The following CLASP2 variants were observed in gnomAD, a reference collection of about 807,000 sequenced individuals.
CLASP2 encodes the protein cytoplasmic linker associated protein 2, also known as CLIP-associating protein 2.
A neutral mutation model predicts 194.4 loss-of-function variants in CLASP2; 47 were observed. The observed-to-expected ratio is 0.24, with a 90% CI of 0.19 to 0.31. The LOEUF (loss-of-function observed/expected upper bound fraction) is 0.31. Ranked by LOEUF, CLASP2 falls within the 10% of genes least tolerant of loss-of-function variation. The probability of loss-of-function intolerance (pLI) is 1.00; values close to 1 mark genes in which losing one functional copy is unlikely to be tolerated. For synonymous variants in CLASP2, 619 were observed against 633.5 expected, an observed-to-expected ratio of 0.98 and a Z score of 0.34; for missense variants, 1,445 against 1,823.6, an observed-to-expected ratio of 0.79 and a Z score of 3.78.
At chr3:33,711,412 A>G (rs1455952656) in intron 1 of CLASP2, among the ~76,000 whole-genome samples, 1 of 149,984 alleles carries the variant, frequency 6.7e-6, no homozygotes, top group African/African-American at 2.5e-5. Context: ...TACCTGGCTA[A>G]TTTTTTTATT....
At chr3:33,518,911 CAG>C (rs1426308420) in intron 34 of CLASP2, among the ~76,000 whole-genome samples, 1 of 152,154 alleles carries the variant, frequency 6.6e-6, no homozygotes, top group Non-Finnish European at 1.5e-5. Context: ...CCTCTTCTGA[CAG>C]AGAGCAGCAC....
intron 6 of CLASP2, among the ~76,000 whole-genome samples, chr3:33,675,677 T>C (rs1290621490): frequency 6.8e-6 from 1 of 148,116 alleles, no homozygotes; most frequent in Non-Finnish European, 1.5e-5. Flanking sequence ...TGATTGTATA[T>C]CTAGAAAACC....
intron 8 of CLASP2, among the ~76,000 whole-genome samples, chr3:33,641,225 C>T (rs2081218307): frequency 6.6e-6 from 1 of 151,670 alleles, no homozygotes; most frequent in Non-Finnish European, 1.5e-5. Context: ...AAATTGTTAC[C>T]TAAAATACTG....
intron 21 of CLASP2, among the ~76,000 whole-genome samples, chr3:33,589,926 G>A (rs1050654202): frequency 6.6e-6 from 1 of 152,000 alleles, no homozygotes; most frequent in African/African-American, 2.4e-5. Flanking sequence ...GGAAATTCCT[G>A]GTTGGTTATC....
rs1328338285 is a variant in CLASP2 at position 33,688,220 on chromosome 3, GT to G, written c.470+56del. ...GCTTTCCTTGACTTTGTGAACTGAG[GT>G]TTTTTTTAGAGAAATAAAAAACAAG... is the stretch of plus-strand genomic sequence containing the variant. On this transcript the variant is annotated intron_variant, in intron 4 of 38. Transcript: ENST00000682230. The G allele has an allele frequency of 4.9e-5, 67 of 1,354,600 alleles. No homozygotes were observed. In the East Asian group the frequency reaches 8.1e-4, roughly 16 times the overall value. The allele number at this position is 1,354,600 out of a possible 1,614,324, so 83.9% of individuals were successfully genotyped here.
intron 2 of CLASP2, among the ~76,000 whole-genome samples, chr3:33,695,831 T>A (rs1406060159): frequency 6.6e-6 from 1 of 152,196 alleles, no homozygotes; most frequent in Non-Finnish European, 1.5e-5. Flanking sequence ...AGGCTACCCT[T>A]CTATATGCTA....
chr3:33,558,764 T>G (rs1465360048), intron 29 of CLASP2: 3 of 152,712 alleles, frequency 2.0e-5, no homozygotes, highest in Non-Finnish European at 4.4e-5. Context: ...ATTTAAAAAA[T>G]TTTGCTTAGT....
chr3:33,559,995 G>A (rs181899429), intron 28 of CLASP2, among the ~76,000 whole-genome samples: 11 of 152,178 alleles, frequency 7.2e-5, no homozygotes, highest in Non-Finnish European at 1.3e-4. Context: ...AACATTCTTA[G>A]AAATGTTTCT....
intron 10 of CLASP2, among the ~76,000 whole-genome samples, chr3:33,622,713 G>A (rs1490241831): frequency 6.6e-6 from 1 of 152,074 alleles, no homozygotes; most frequent in South Asian, 2.1e-4. Flanking sequence ...CATTCACAAT[G>A]TTGTGTGACC....
chr3:33,612,216 C>G (rs1280673100), intron 12 of CLASP2, 145 bp from the exon 13 acceptor site: 1 of 604,326 alleles, frequency 1.7e-6, no homozygotes, highest in African/African-American at 1.9e-5. Context: ...TAAGACCAGT[C>G]TTGAAAAGTT....
chr3:33,673,616 C>A (rs2087853822), intron 6 of CLASP2, among the ~76,000 whole-genome samples: 1 of 152,058 alleles, frequency 6.6e-6, no homozygotes, highest in African/African-American at 2.4e-5. Context: ...TGTAAATGGA[C>A]TAAATGCTCC....
chr3:33,655,746 T>C (rs765376568), intron 7 of CLASP2, among the ~76,000 whole-genome samples: 10 of 152,188 alleles, frequency 6.6e-5, no homozygotes, highest in Non-Finnish European at 1.3e-4. Flanking sequence ...AAGTTTTATA[T>C]ATATATACAC....
chr3:33,600,502 G>T lies in CLASP2; in HGVS notation c.1924+2450C>A, dbSNP rs191496334. Among the ~76,000 whole-genome samples, 125 of 152,172 alleles carry T rather than the reference G, an allele frequency of 8.2e-4. 1 individual carries two copies. Among genetic ancestry groups the T allele is most frequent in the Non-Finnish European group, 1.2e-3 (79 of 68,002 alleles). ...TTTTGGTCCTTTCTTCTATTAATATGGTACATTTGTTGACTGGTCTTCACA... is the reference window on the plus strand; with the variant it reads ...TTTTGGTCCTTTCTTCTATTAATATTGTACATTTGTTGACTGGTCTTCACA... On this transcript the variant is annotated intron_variant, in intron 18 of 38. Transcript: ENST00000682230.
chr3:33,584,705 A>G, intron 22 of CLASP2, 45 bp downstream of exon 22: 1 of 1,475,668 alleles, frequency 6.8e-7, no homozygotes, highest in Non-Finnish European at 9.0e-7. Flanking sequence ...AAAAAAAAAA[A>G]AAAAGGGTTA....
intron 1 of CLASP2, among the ~76,000 whole-genome samples, chr3:33,704,854 T>C (rs988703754): frequency 2.6e-4 from 39 of 151,920 alleles, no homozygotes; most frequent in Admixed American, 2.6e-3. Context: ...AAAACCACAA[T>C]AAGATACTAC....
intron 17 of CLASP2, among the ~76,000 whole-genome samples, chr3:33,603,936 AAACAGAGTGC>A (rs1382469433): frequency 6.6e-6 from 1 of 152,192 alleles, no homozygotes; most frequent in Non-Finnish European, 1.5e-5. Flanking sequence ...AAACAATTGA[AAACAGAGTGC>A]ATCACAAGTA....
chr3:33,653,526 A>G (rs1362588396), intron 7 of CLASP2, among the ~76,000 whole-genome samples: 1 of 151,902 alleles, frequency 6.6e-6, no homozygotes, highest in East Asian at 1.9e-4. Flanking sequence ...CTGATTCAAA[A>G]CAAACTGTAA....
chr3:33,619,815 C>A, intron 11 of CLASP2, 77 bp from the exon 12 acceptor site: 2 of 1,178,134 alleles, frequency 1.7e-6, no homozygotes, highest in Admixed American at 3.5e-5. Flanking sequence ...TTAAAATACT[C>A]TTTTACTGAA....
At chr3:33,540,774 CTTTT>C (rs34362342) in intron 32 of CLASP2, among the ~76,000 whole-genome samples, 2 of 138,576 alleles carry the variant, frequency 1.4e-5, no homozygotes. Context: ...AATACCAACT[CTTTT>C]TTTTTTTTTT....
Sources: gnomAD v4.1 joint callset for allele counts (sites outside exome capture counted in the v4.1 genomes callset) on GRCh38, gnomAD v4.1.1 for gene constraint, MANE v1.5 for transcripts, NCBI Gene and HGNC (gene_info 2026-07-23, HGNC 2026-07-21) for gene names.